MIB2: variants seen among roughly 807,000 people sequenced by gnomAD.
MIB2 encodes the protein MIB E3 ubiquitin protein ligase 2.
Under a neutral mutation model 96.6 loss-of-function variants are expected in MIB2, and 78 were observed. That is an observed-to-expected ratio of 0.81 (90% CI 0.67 to 0.97). MIB2 has a LOEUF of 0.97. Among genes scored for constraint, MIB2 ranks in the 50% least tolerant of loss-of-function variants. MIB2 has a pLI of 0.00. For missense variants in MIB2, 1,543 were observed against 1,424.0 expected, an observed-to-expected ratio of 1.08 and a Z score of -1.35; for synonymous variants, 820 against 629.5, an observed-to-expected ratio of 1.30 and a Z score of -4.53.
intron 2 of MIB2, 66 bp from the exon 3 acceptor site, chr1:1,623,365 C>T (rs1377213070): frequency 5.1e-6 from 8 of 1,578,838 alleles, no homozygotes; most frequent in South Asian, 1.2e-5. Flanking sequence ...CCCATGGTGG[C>T]CTGAGAATAC....
rs370732226 is a variant in MIB2, at chr1:1,627,716, C to T, written c.1567C>T (p.Arg523Trp). 1.3e-4 allele frequency: 206 copies of T among 1,594,918 alleles called. No homozygotes were observed. The highest frequency in any genetic ancestry group is 1.6e-4 in the Non-Finnish European group (194 of 1,178,470). The change falls in exon 13 of 20, where the codon CGG (arginine) becomes TGG (tryptophan). Residue 523 changes from arginine (R) to tryptophan (W), a missense_variant. Transcript: ENST00000355826. Reference protein sequence around the residue: ...ATRVLLSAGCRADAINSTQST... With the variant: ...ATRVLLSAGCWADAINSTQST... ...CAGGGTGCTCCTGAGTGCTGGGTGC[C>T]GGGCGGACGCCATCAACAGCACCCA...
At chr1:1,617,040 G>A (rs1317993487) in intron 2 of MIB2, 1 of 194,072 alleles carries the variant, frequency 5.2e-6, no homozygotes, top group Non-Finnish European at 1.1e-5. Flanking sequence ...GGGCAGGATT[G>A]GAGGTGGCCG....
chr1:1,622,210 C>T (rs745513208), intron 2 of MIB2, among the ~76,000 whole-genome samples: 1 of 152,248 alleles, frequency 6.6e-6, no homozygotes, highest in Non-Finnish European at 1.5e-5. Flanking sequence ...TGGGCTGCCT[C>T]CTTCCCTGGC....
intron 2 of MIB2, among the ~76,000 whole-genome samples, chr1:1,621,241 T>TG (rs1482347752): frequency 6.6e-6 from 1 of 152,052 alleles, no homozygotes; most frequent in Non-Finnish European, 1.5e-5. Flanking sequence ...TGGGTCACCC[T>TG]GGGTGGTGGG....
chr1:1,625,198 C>T lies in MIB2; in HGVS notation c.721+13C>T, dbSNP rs372223103. 1.0e-5 allele frequency: 16 copies of T among 1,604,490 alleles called. No individual in the cohort carries two copies. The African/African-American group carries it at 1.2e-4, about 12-fold the overall frequency. ...CTCCCAAGGCTCGGTATGAGGCTGT[C>T]ACACTGACTCCATCAGCCCTCCTGC... On this transcript the variant is annotated intron_variant, in intron 6 of 19. Coordinates refer to ENST00000355826, the MANE Select transcript of MIB2 (RefSeq NM_001170687.4). This position sits in a 1 kb window ranked among gnomAD's most constrained non-coding sequence, Gnocchi z 5.0.
In MIB2 at chr1:1,617,221, CATT is replaced by C. The variant is rs1643829137; in HGVS notation, c.-23+609_-23+611del. 2.0e-5 allele frequency: 3 copies of C among 152,736 alleles called. No individual in the cohort carries two copies. In the South Asian group the frequency reaches 6.0e-4, roughly 30 times the overall value. The allele number at this position is 152,736 out of a possible 1,614,324, so 9.5% of individuals were successfully genotyped here. ...GCCACACACAGCGGCATTTCGGTGT[CATT>C]AGGCACAGCTGGAGGTGCAAGGAGG... On this transcript the variant is annotated intron_variant, in intron 2 of 19. Transcript: ENST00000355826.
At chr1:1,614,045 G>C (rs114808720), upstream of MIB2, 51 of 151,916 alleles carry the variant, frequency 3.4e-4, no homozygotes, top group African/African-American at 1.2e-3. Context: ...AAAATATTAG[G>C]TAATTATTAA....
chr1:1,626,419 C>G lies in MIB2; in HGVS notation c.973-231C>G. ...ACACCTGCCCAGAGCTGGCTTCTGT[C>G]TGCCTGGACACTCCTCCCATGGCTC... On this transcript the variant is annotated intron_variant, in intron 8 of 19. Coordinates refer to ENST00000355826, the MANE Select transcript of MIB2 (RefSeq NM_001170687.4). This position sits in a 1 kb window ranked among gnomAD's most constrained non-coding sequence, Gnocchi z 5.3. 3.7e-6 allele frequency: 2 copies of G among 540,596 alleles called. No homozygotes were observed. Among genetic ancestry groups the G allele is most frequent in the South Asian group, 5.5e-5 (2 of 36,560 alleles). 33.5% of individuals were successfully genotyped at this position (540,596 alleles called of 1,614,324 possible). A position where few individuals can be genotyped will look rare whatever the true frequency, so the allele number is the denominator to read the frequency against.
At chr1:1,630,193 C>T (rs1220618096) in intron 19 of MIB2, 99 bp from the exon 20 acceptor site, 3 of 335,836 alleles carry the variant, frequency 8.9e-6, no homozygotes. Flanking sequence ...CAACCCGTCC[C>T]AGGTGACACC....
intron 4 of MIB2, chr1:1,624,307 C>T: frequency 2.8e-6 from 1 of 353,700 alleles, no homozygotes; most frequent in Non-Finnish European, 5.0e-6. Flanking sequence ...GCCAGAGGTG[C>T]CACCCCGTCC....
chr1:1,627,392 G>C lies in MIB2; in HGVS notation c.1471G>C (p.Val491Leu). Residue 491 changes from valine (V) to leucine (L), a missense_variant, in exon 12 of 20, where the codon GTG becomes CTG. Physicochemically the swap from Val to Leu is conservative, Grantham distance 32. Coordinates refer to ENST00000355826, the MANE Select transcript of MIB2 (RefSeq NM_001170687.4). ...GCTGCTGCTACAAGCCAGGGCGGGC[G>C]TGGACCTGCCGGACGACGAGGGCAA... Reference protein sequence around the residue: ...IRLLLQARAGVDLPDDEGNTA... With the variant: ...IRLLLQARAGLDLPDDEGNTA... 6.2e-7 allele frequency: 1 copy of C among 1,613,012 alleles called. No individual in the cohort carries two copies.
rs752220483 is a variant in MIB2, at chr1:1,626,791, G to GC, written c.1078-40dup. 24 of 1,587,120 alleles carry GC rather than the reference G, an allele frequency of 1.5e-5. No individual in the cohort carries two copies. In the South Asian group the frequency reaches 2.5e-4, roughly 16 times the overall value. ...TGCCACCCCCGCCGCTAGCGCCGCT[G>GC]CCCCCCACACCTGCAGCCTGCTGTG... On this transcript the variant is annotated intron_variant, in intron 9 of 19. Transcript: ENST00000355826. This position sits in a 1 kb window ranked among gnomAD's most constrained non-coding sequence, Gnocchi z 5.3.
rs749500796 is a variant in MIB2 at position 1,626,166 on chromosome 1, T to C, written c.973-484T>C. On this transcript the variant is annotated intron_variant, in intron 8 of 19. Coordinates refer to ENST00000355826, the MANE Select transcript of MIB2 (RefSeq NM_001170687.4). The surrounding 1 kb of genome is among the most constrained non-coding windows in gnomAD (Gnocchi z 5.3). ...GGGGCAAAGCGTCAGAGCTCAGCTC[T>C]GGATCTGGGGTCCTGGATACCAGGC... 1.0e-5 allele frequency: 2 copies of C among 195,182 alleles called. No homozygotes were observed. The highest frequency in any genetic ancestry group is 2.1e-5 in the Non-Finnish European group (2 of 95,368). The allele number at this position is 195,182 out of a possible 1,614,324, so 12.1% of individuals were successfully genotyped here. A position where few individuals can be genotyped will look rare whatever the true frequency, so the allele number is the denominator to read the frequency against.
Position 1,626,645 on chromosome 1 carries a change from C to A in MIB2, c.973-5C>A. The A allele has an allele frequency of 6.4e-7, 1 of 1,557,554 alleles. No homozygotes were observed. The highest frequency in any genetic ancestry group is 1.2e-5 in the South Asian group (1 of 82,172). Reference sequence around the variant, plus strand: ...GGGCCCCTCACGCCCCTCTTTGTCGCTCAGCACCACTCCTTCTGGGTGGGC... The same window carrying A: ...GGGCCCCTCACGCCCCTCTTTGTCGATCAGCACCACTCCTTCTGGGTGGGC... On this transcript the variant is annotated splice_polypyrimidine_tract_variant and splice_region_variant and intron_variant, in intron 8 of 19. Coordinates refer to ENST00000355826, the MANE Select transcript of MIB2 (RefSeq NM_001170687.4). This position sits in a 1 kb window ranked among gnomAD's most constrained non-coding sequence, Gnocchi z 5.3.
intron 2 of MIB2, chr1:1,623,058 C>A: frequency 2.7e-6 from 1 of 375,108 alleles, no homozygotes; most frequent in Non-Finnish European, 4.8e-6. Context: ...GGGACGGCAG[C>A]TCTTACTTTA....
At chr1:1,630,029 C>T (rs1274940154) in intron 19 of MIB2, among the ~76,000 whole-genome samples, 3 of 148,636 alleles carry the variant, frequency 2.0e-5, no homozygotes, top group East Asian at 4.0e-4. Flanking sequence ...ACCGCCCCCC[C>T]ATCACACCCC....
At position 1,625,711 on chromosome 1, in the gene MIB2, C is replaced by T. The variant is rs1569796503; in HGVS notation, c.972+58C>T. On this transcript the variant is annotated intron_variant, in intron 8 of 19. Coordinates refer to ENST00000355826, the MANE Select transcript of MIB2 (RefSeq NM_001170687.4). The surrounding 1 kb of genome is among the most constrained non-coding windows in gnomAD (Gnocchi z 5.0). ...TTGCTTCTGTAACCCCTTCCACGTA[C>T]CCCCTTGGCCTTGGGGGGTCAGGCA... 3.5e-6 allele frequency: 5 copies of T among 1,423,330 alleles called. No individual in the cohort carries two copies. Among genetic ancestry groups the T allele is most frequent in the East Asian group, 5.0e-5 (2 of 39,746 alleles). 88.2% of individuals were successfully genotyped at this position (1,423,330 alleles called of 1,614,324 possible). A position where few individuals can be genotyped will look rare whatever the true frequency, so the allele number is the denominator to read the frequency against.
chr1:1,628,092 T>C lies in MIB2; in HGVS notation c.1754T>C (p.Leu585Pro). ...GGAGCCAGCGGCATTGTCGAGGTCC[T>C]CACGGAGGTGCCAAACATCGATGTT... Reference protein sequence around the residue: ...GTGASGIVEVLTEVPNIDVTA... With the variant: ...GTGASGIVEVPTEVPNIDVTA... Residue 585 changes from leucine (L) to proline (P), a missense_variant, in exon 14 of 20, where the codon CTC (leucine) becomes CCC (proline). Leu to Pro is a moderately conservative substitution (Grantham distance 98). Transcript: ENST00000355826. The C allele has an allele frequency of 6.2e-7, 1 of 1,613,278 alleles. No individual in the cohort carries two copies. The highest frequency in any genetic ancestry group is 8.5e-7 in the Non-Finnish European group (1 of 1,179,994).
rs1643707376 is a variant in MIB2, at chr1:1,616,521, G to A, written c.-116G>A. ...CCTCGGCCACAGGGTTGGAAGCCCAGCGAGGCTAGAGGCCAGTCCCAAAGT... is the reference window on the plus strand; with the variant it reads ...CCTCGGCCACAGGGTTGGAAGCCCAACGAGGCTAGAGGCCAGTCCCAAAGT... On this transcript the variant is annotated 5_prime_UTR_variant, in exon 2 of 20. Coordinates refer to ENST00000355826, the MANE Select transcript of MIB2 (RefSeq NM_001170687.4). 1 of 1,593,290 alleles carries A rather than the reference G, an allele frequency of 6.3e-7. No individual in the cohort carries two copies. The highest frequency in any genetic ancestry group is 1.4e-5 in the African/African-American group (1 of 73,784).
Sources: gnomAD v4.1 joint callset for allele counts (sites outside exome capture counted in the v4.1 genomes callset) on GRCh38, gnomAD v4.1.1 for gene constraint, Gnocchi (gnomAD v3.1) non-coding constraint, MANE v1.5 for transcripts, NCBI Gene and HGNC (gene_info 2026-07-23, HGNC 2026-07-21) for gene names.